Variants in FOXP2 observed in about 807,000 individuals in gnomAD.
FOXP2 encodes forkhead box P2.
FOXP2 carries 12 observed loss-of-function variants against 115.8 expected under a neutral mutation model. That is an observed-to-expected ratio of 0.10 (90% CI 0.07 to 0.17). FOXP2 has a LOEUF of 0.17. Among genes scored for constraint, FOXP2 ranks in the 10% least tolerant of loss-of-function variants. The pLI, the probability that FOXP2 is intolerant of heterozygous loss-of-function variation, is 1.00. For missense variants in FOXP2, 629 were observed against 843.5 expected, an observed-to-expected ratio of 0.75 and a Z score of 3.15; for synonymous variants, 328 against 297.7, an observed-to-expected ratio of 1.10 and a Z score of -1.05.
At chr7:114,603,005 A>G (rs920281871) in intron 3 of FOXP2, among the ~76,000 whole-genome samples, 3 of 152,200 alleles carry the variant, frequency 2.0e-5, no homozygotes, top group Non-Finnish European at 2.9e-5. Context: ...ACTTGAGTAC[A>G]AGACAATCAT....
At chr7:114,169,836 T>G (rs930032463) in intron 1 of FOXP2, among the ~76,000 whole-genome samples, 1 of 152,186 alleles carries the variant, frequency 6.6e-6, no homozygotes, top group South Asian at 2.1e-4. Context: ...GTTGTTCTCA[T>G]GATAGTGAAT....
At chr7:114,161,349 A>C (rs1187719124), upstream of FOXP2, among the ~76,000 whole-genome samples, 1 of 152,224 alleles carries the variant, frequency 6.6e-6, no homozygotes, top group African/African-American at 2.4e-5. Context: ...GAGATATTCT[A>C]GGTAAATAAT....
chr7:114,418,689 T>C (rs1793462683), intron 1 of FOXP2, among the ~76,000 whole-genome samples: 1 of 151,784 alleles, frequency 6.6e-6, no homozygotes. Context: ...AAAAAAAAGC[T>C]ATACAGAAGG....
Position 114,629,250 on chromosome 7 carries a change from A to C in FOXP2, c.397-555A>C, listed in dbSNP as rs566306330. 1.1e-3 allele frequency among the ~76,000 whole-genome samples: 170 copies of C among 152,278 alleles called. 2 individuals are homozygous for C. The highest frequency in any genetic ancestry group is 2.0e-3 in the Non-Finnish European group (137 of 68,012). On this transcript the variant is annotated intron_variant, in intron 4 of 16. Transcript: ENST00000350908. ...GTGTTCCTAATAAATACCATATCGG[A>C]ACCCTGAGTGTATATAGACTTTATA...
intron 3 of FOXP2, among the ~76,000 whole-genome samples, chr7:114,604,944 A>G (rs575497663): frequency 3.2e-4 from 48 of 152,326 alleles, no homozygotes; most frequent in African/African-American, 1.0e-3. Context: ...ATTCTTTCAC[A>G]TATCTTGATC....
intron 2 of FOXP2, among the ~76,000 whole-genome samples, chr7:114,506,150 A>G (rs1451735070): frequency 2.0e-5 from 3 of 151,708 alleles, no homozygotes; most frequent in South Asian, 2.1e-4. Flanking sequence ...TGACAAGAAA[A>G]CAGTAATGAT....
intron 2 of FOXP2, among the ~76,000 whole-genome samples, chr7:114,309,990 C>G (rs1797108035): frequency 6.6e-6 from 1 of 152,090 alleles, no homozygotes; most frequent in Non-Finnish European, 1.5e-5. Context: ...CTGCCAGTCT[C>G]TGCTTTTCTG....
At chr7:114,671,561 G>T (rs903028127) in intron 16 of FOXP2, among the ~76,000 whole-genome samples, 3 of 152,108 alleles carry the variant, frequency 2.0e-5, no homozygotes, top group African/African-American at 7.2e-5. Flanking sequence ...AACTTCATTT[G>T]CACTAACACT....
intron 1 of FOXP2, among the ~76,000 whole-genome samples, chr7:114,219,063 A>G (rs1326355687): frequency 6.6e-6 from 1 of 152,192 alleles, no homozygotes; most frequent in African/African-American, 2.4e-5. Context: ...CAGCATTGCA[A>G]CTGAACCCAA....
intron 2 of FOXP2, among the ~76,000 whole-genome samples, chr7:114,459,351 A>C (rs1256263525): frequency 6.6e-6 from 1 of 152,226 alleles, no homozygotes; most frequent in African/African-American, 2.4e-5. Flanking sequence ...GTATTAAAAT[A>C]AAAACCCCTG....
chr7:114,086,970 G>C (rs1799433790), upstream of FOXP2, among the ~76,000 whole-genome samples: 1 of 152,194 alleles, frequency 6.6e-6, no homozygotes, highest in South Asian at 2.1e-4. Flanking sequence ...TCGGCTGGAG[G>C]AGAATGTGTG....
chr7:114,341,080 ATTAC>A (rs539053465), intron 2 of FOXP2, among the ~76,000 whole-genome samples: 34 of 151,288 alleles, frequency 2.2e-4, no homozygotes, highest in Non-Finnish European at 4.7e-4. Context: ...AGCATAAATT[ATTAC>A]TTAGCACTGA....
intron 1 of FOXP2, among the ~76,000 whole-genome samples, chr7:114,127,163 TA>T (rs1487510394): frequency 6.6e-6 from 1 of 152,170 alleles, no homozygotes; most frequent in African/African-American, 2.4e-5. Context: ...GGTTGTTGGA[TA>T]AGTCCCCGTT....
chr7:114,267,200 C>T (rs1215691356), intron 1 of FOXP2, among the ~76,000 whole-genome samples: 1 of 152,062 alleles, frequency 6.6e-6, no homozygotes, highest in Non-Finnish European at 1.5e-5. Context: ...CCTCTCAACC[C>T]TTCAAAATGC....
chr7:114,533,001 T>G (rs1436208390), intron 2 of FOXP2, among the ~76,000 whole-genome samples: 1 of 151,990 alleles, frequency 6.6e-6, no homozygotes. Context: ...ATTACAGATT[T>G]TTTTGTTTGT....
intron 2 of FOXP2, among the ~76,000 whole-genome samples, chr7:114,342,657 T>C (rs972800365): frequency 8.6e-5 from 13 of 151,484 alleles, no homozygotes; most frequent in Admixed American, 7.3e-4. Context: ...TTGTTTCACA[T>C]CAAAGTTATT....
intron 2 of FOXP2, among the ~76,000 whole-genome samples, chr7:114,291,124 C>T (rs1445565436): frequency 2.0e-5 from 3 of 152,120 alleles, no homozygotes; most frequent in Non-Finnish European, 4.4e-5. Context: ...GGATTATAAA[C>T]AGAAATTTAA....
intron 1 of FOXP2, among the ~76,000 whole-genome samples, chr7:114,130,777 T>C (rs544353667): frequency 3.9e-5 from 6 of 152,134 alleles, no homozygotes; most frequent in Non-Finnish European, 8.8e-5. Context: ...TTTGAGAAAA[T>C]TGGGAATTTA....
At chr7:114,328,853 GA>G (rs1369809857) in intron 2 of FOXP2, among the ~76,000 whole-genome samples, 1 of 152,112 alleles carries the variant, frequency 6.6e-6, no homozygotes, top group African/African-American at 2.4e-5. Context: ...AGCATTTTTA[GA>G]ATCCCTTGAA....
Sources: allele counts gnomAD v4.1 joint callset (sites outside exome capture counted in the v4.1 genomes callset), GRCh38; gene constraint gnomAD v4.1.1; transcripts MANE v1.5; gene names NCBI Gene and HGNC (gene_info 2026-07-23, HGNC 2026-07-21).